Variants in ABR observed in about 807,000 individuals in gnomAD.
ABR encodes ABR activator of RhoGEF and GTPase, also known as active breakpoint cluster region-related protein.
In ABR, 35 loss-of-function variants were observed where a neutral mutation model predicts 107.2. That is an observed-to-expected ratio of 0.33 (90% CI 0.25 to 0.43). ABR has a LOEUF of 0.43. Ranked by LOEUF, ABR falls within the 20% of genes least tolerant of loss-of-function variation. ABR has a pLI of 1.00. For missense variants in ABR, 815 were observed against 1,115.2 expected (o/e 0.73, Z 3.83); for synonymous variants, 498 against 462.0 (o/e 1.08, Z -1.00).
rs867637236 is a variant in ABR at position 1,006,138 on chromosome 17, G to T, written c.2522C>A (p.Pro841His). Residue 841 changes from proline to histidine, a missense_variant, in exon 23 of 23, where the codon CCC becomes CAC. Physicochemically the swap from Pro to His is moderately conservative, Grantham distance 77 (BLOSUM62 -2). Around this residue, in one of 5 missense-constraint regions of ABR, gnomAD observed 34 missense variants for 26.8 expected, o/e 1.27. Transcript: ENST00000302538. ...CTTGAGTTCTGCGAAGGAAATGGGG[G>T]GGTGCTGCAGGTAGTAGAGGAGGAC... ...VQVLLYYLQH[P>H]PISFAELKRN... 6.3e-7 allele frequency: 1 copy of T among 1,587,252 alleles called. No homozygotes were observed. Among genetic ancestry groups the T allele is most frequent in the East Asian group, 2.3e-5 (1 of 43,684 alleles).
chr17:1,101,781 T>G (rs2037890130), intron 2 of ABR, among the ~76,000 whole-genome samples: 1 of 151,428 alleles, frequency 6.6e-6, no homozygotes, highest in African/African-American at 2.4e-5. Flanking sequence ...TCGCCCAGGC[T>G]AGAGTGCAGT....
intron 16 of ABR, among the ~76,000 whole-genome samples, chr17:1,033,738 A>T (rs1474806821): frequency 6.6e-6 from 1 of 152,170 alleles, no homozygotes; most frequent in Non-Finnish European, 1.5e-5. Flanking sequence ...GGGCTGAGCC[A>T]CAACAGCCTC....
chr17:1,009,941 T>C, intron 20 of ABR, 157 bp from the exon 21 acceptor site: 1 of 633,804 alleles, frequency 1.6e-6, no homozygotes, highest in Admixed American at 2.8e-5. Flanking sequence ...CTGGGTGGGC[T>C]GTCAGCAGCT....
chr17:1,172,142 C>T (rs951299663), intron 1 of ABR, among the ~76,000 whole-genome samples: 4 of 152,204 alleles, frequency 2.6e-5, no homozygotes, highest in South Asian at 2.1e-4. Flanking sequence ...AAAAACTGGG[C>T]GAGAGGCCCC....
chr17:1,091,946 C>A (rs2037060366), intron 3 of ABR, 96 bp from the exon 4 acceptor site: 1 of 1,297,568 alleles, frequency 7.7e-7, no homozygotes, highest in Non-Finnish European at 1.1e-6. Context: ...TCCCGCTGCC[C>A]AAGTCCTGCC....
At chr17:1,014,173 G>A (rs1000609705) in intron 16 of ABR, among the ~76,000 whole-genome samples, 44 of 152,190 alleles carry the variant, frequency 2.9e-4, no homozygotes, top group Non-Finnish European at 5.6e-4. Flanking sequence ...CAGGCGTGGC[G>A]GCTCACGCCT....
rs1171508258 is a variant in ABR at position 1,054,733 on chromosome 17, CACAAGGAACCTG to C, written c.1561+1290_1561+1301del. Among the ~76,000 whole-genome samples the C allele has an allele frequency of 1.8e-4, 26 of 142,846 alleles. 6 individuals carry two copies. The highest frequency in any genetic ancestry group is 5.6e-4 in the African/African-American group (22 of 39,412). The allele number at this position is 142,846 out of a possible 152,430, so 93.7% of individuals were successfully genotyped here. ...CACAAGGAACCTGAGGGGATGGGGG[CACAAGGAACCTG>C]AGGGGATGTGGGCACAAAGAAGGGA... is the stretch of plus-strand genomic sequence containing the variant. On this transcript the variant is annotated intron_variant, in intron 14 of 22. Transcript: ENST00000302538.
upstream of ABR, among the ~76,000 whole-genome samples, chr17:1,188,803 A>G (rs1567876780): frequency 6.6e-6 from 1 of 152,082 alleles, no homozygotes; most frequent in Non-Finnish European, 1.5e-5. Flanking sequence ...GCCTTCATAA[A>G]CGTAGGGGTG....
chr17:1,114,911 T>G (rs2038914004), intron 2 of ABR, among the ~76,000 whole-genome samples: 1 of 152,216 alleles, frequency 6.6e-6, no homozygotes, highest in Non-Finnish European at 1.5e-5. Flanking sequence ...GCACCTACTG[T>G]GTGCCAGGCA....
chr17:1,058,049 AAG>A lies in ABR; in HGVS notation c.1306-6_1306-5del. On this transcript the variant is annotated splice_region_variant and splice_polypyrimidine_tract_variant and intron_variant, in intron 11 of 22. Coordinates refer to ENST00000302538, the MANE Select transcript of ABR (RefSeq NM_021962.5). ...AGGACAGTAGGAACAGGTAACTCTG[AAG>A]AGAGGAGATAAGCATAAAGTGGGTG... 2 of 1,612,768 alleles carry A rather than the reference AAG, an allele frequency of 1.2e-6. No homozygotes were observed. Among genetic ancestry groups the A allele is most frequent in the Non-Finnish European group, 1.7e-6 (2 of 1,179,012 alleles).
chr17:1,028,616 A>C (rs1446762505), intron 16 of ABR, among the ~76,000 whole-genome samples: 1 of 152,172 alleles, frequency 6.6e-6, no homozygotes, highest in Non-Finnish European at 1.5e-5. Flanking sequence ...ATCACAGAAC[A>C]CGGGACTCAC....
rs2035884823 is a variant in ABR, at chr17:1,078,119, G to A, written c.700+1211C>T. ...ACCGAAAGGTGGTGTGTGTGTGTGT[G>A]TGTGTGTGTGTGACCTTCACAGAGT... On this transcript the variant is annotated intron_variant, in intron 6 of 22. Transcript: ENST00000302538. This position sits in a 1 kb window ranked among gnomAD's most constrained non-coding sequence, Gnocchi z 7.5. 6.6e-6 allele frequency among the ~76,000 whole-genome samples: 1 copy of A among 152,112 alleles called. No homozygotes were observed. Among genetic ancestry groups the A allele is most frequent in the Admixed American group, 6.5e-5 (1 of 15,276 alleles).
intron 18 of ABR, 45 bp from the exon 19 acceptor site, chr17:1,012,030 G>T: frequency 6.2e-7 from 1 of 1,607,444 alleles, no homozygotes. Context: ...CCCCACGACA[G>T]CTCTCCCGTA....
chr17:1,203,461 C>CGGGGGAGGAGTCTGCG, intron 1 of ABR, among the ~76,000 whole-genome samples: 1 of 2,456 alleles, frequency 4.1e-4, no homozygotes, highest in Non-Finnish European at 8.2e-4. Context: ...GCGGGGCCCG[C>CGGGGGAGGAGTCTGCG]GGGGACGGAG....
At chr17:1,222,812 G>A (rs1029612153) in intron 1 of ABR, among the ~76,000 whole-genome samples, 1 of 152,104 alleles carries the variant, frequency 6.6e-6, no homozygotes, top group African/African-American at 2.4e-5. Flanking sequence ...GGGAGGCTGA[G>A]GTGGGAGGAT....
rs574020375 is a variant in ABR at position 1,216,194 on chromosome 17, G to A, written c.838+12599C>T. Among the ~76,000 whole-genome samples the A allele has an allele frequency of 7.3e-5, 11 of 151,402 alleles. No homozygotes were observed. The South Asian group carries it at 1.9e-3, about 26-fold the overall frequency. On this transcript the variant is annotated intron_variant, in intron 1 of 22. Coordinates refer to the ABR transcript ENST00000574139. Reference sequence around the variant, plus strand: ...AATAAATACTAAAAAAAAAAAGAAAGAAACTGAACACCTAAATAGAACTTA... The same window carrying A: ...AATAAATACTAAAAAAAAAAAGAAAAAAACTGAACACCTAAATAGAACTTA...
At chr17:1,097,161 G>A (rs1471423912) in intron 3 of ABR, among the ~76,000 whole-genome samples, 3 of 152,202 alleles carry the variant, frequency 2.0e-5, no homozygotes, top group African/African-American at 7.2e-5. Flanking sequence ...TAAGGGCTCC[G>A]TGTCTGATGG....
At chr17:1,141,489 C>G (rs1373975319) in intron 1 of ABR, among the ~76,000 whole-genome samples, 1 of 152,150 alleles carries the variant, frequency 6.6e-6, no homozygotes, top group Non-Finnish European at 1.5e-5. Context: ...AAGATCTATA[C>G]CTCATGAAGC....
chr17:1,190,799 A>G (rs931788137), upstream of ABR, among the ~76,000 whole-genome samples: 42 of 152,186 alleles, frequency 2.8e-4, no homozygotes, highest in African/African-American at 9.2e-4. Flanking sequence ...GGTATGCTCA[A>G]CCCCTCTGCC....
Sources: gnomAD v4.1 joint callset for allele counts (sites outside exome capture counted in the v4.1 genomes callset) on GRCh38, gnomAD v4.1.1 for gene constraint, gnomAD v4.1.1 regional missense constraint, Gnocchi (gnomAD v3.1) non-coding constraint, MANE v1.5 for transcripts, NCBI Gene and HGNC (gene_info 2026-07-23, HGNC 2026-07-21) for gene names.